PDZRN4: variants seen among roughly 807,000 people sequenced by gnomAD.
PDZRN4 encodes the protein PDZ domain-containing RING finger protein 4.
Under a neutral mutation model 99.0 loss-of-function variants are expected in PDZRN4, and 70 were observed. The observed-to-expected ratio is 0.71, with a 90% CI of 0.58 to 0.86. The LOEUF (loss-of-function observed/expected upper bound fraction) is 0.86, where lower values mean the gene tolerates loss of function less well. PDZRN4 is among the 40% of genes least tolerant of loss of function. PDZRN4 has a pLI of 0.00. For missense variants in PDZRN4, 1,474 were observed against 1,331.2 expected (o/e 1.11, Z -1.67); for synonymous variants, 551 against 501.6 (o/e 1.10, Z -1.32).
At position 41,272,281 on chromosome 12, in the gene PDZRN4, C is replaced by A. The variant is rs114617111; in HGVS notation, c.843+78093C>A. Among the ~76,000 whole-genome samples, 1,306 of 152,080 alleles carry A rather than the reference C, an allele frequency of 8.6e-3. 20 individuals carry two copies. The highest frequency in any genetic ancestry group is 0.03 in the African/African-American group (1,249 of 41,524). On this transcript the variant is annotated intron_variant, in intron 3 of 9. Transcript: ENST00000402685. Reference sequence around the variant, plus strand: ...GATATGTGGTGAATCAGCCTAAAGTCAACTGGTAAAAATATTGTTTTCTTT... The same window carrying A: ...GATATGTGGTGAATCAGCCTAAAGTAAACTGGTAAAAATATTGTTTTCTTT...
intron 3 of PDZRN4, among the ~76,000 whole-genome samples, chr12:41,288,425 C>T (rs1024689939): frequency 9.9e-5 from 15 of 152,134 alleles, no homozygotes; most frequent in Admixed American, 9.2e-4. Context: ...TAACAAGTGG[C>T]AGTATTTCTC....
chr12:41,208,214 A>G (rs1950864022), intron 3 of PDZRN4, among the ~76,000 whole-genome samples: 1 of 151,892 alleles, frequency 6.6e-6, no homozygotes, highest in Admixed American at 6.6e-5. Context: ...GACGTGACAA[A>G]ATAGAAGTCT....
chr12:41,531,139 G>C (rs938787885), intron 5 of PDZRN4, among the ~76,000 whole-genome samples: 2 of 152,156 alleles, frequency 1.3e-5, no homozygotes, highest in African/African-American at 4.8e-5. Flanking sequence ...CTGTATCCCG[G>C]GTTCTTGCCT....
intron 3 of PDZRN4, among the ~76,000 whole-genome samples, chr12:41,280,258 C>A (rs1951374807): frequency 6.6e-6 from 1 of 152,178 alleles, no homozygotes; most frequent in Non-Finnish European, 1.5e-5. Context: ...ACCACCAGGG[C>A]CCTGGGTTTC....
intron 3 of PDZRN4, chr12:41,437,794 G>C: frequency 5.2e-6 from 8 of 1,552,522 alleles, no homozygotes; most frequent in Non-Finnish European, 6.9e-6. Context: ...TCTGGCTTAC[G>C]CTTCCAGCTA....
At chr12:41,365,457 G>A (rs1951992666) in intron 3 of PDZRN4, among the ~76,000 whole-genome samples, 1 of 151,930 alleles carries the variant, frequency 6.6e-6, no homozygotes, top group South Asian at 2.1e-4. Flanking sequence ...TCAGGCCAGA[G>A]TAAACCTCAT....
intron 3 of PDZRN4, among the ~76,000 whole-genome samples, chr12:41,223,302 G>A (rs1178609736): frequency 6.6e-6 from 1 of 152,086 alleles, no homozygotes; most frequent in African/African-American, 2.4e-5. Context: ...TTAAAGAAAA[G>A]ATTAGTCTTG....
In PDZRN4 at chr12:41,457,205, T is replaced by C. The variant is rs145691894; in HGVS notation, c.844-49251T>C. 6.1e-3 allele frequency among the ~76,000 whole-genome samples: 933 copies of C among 152,300 alleles called. 12 individuals carry two copies. The highest frequency in any genetic ancestry group is 6.6e-3 in the Non-Finnish European group (451 of 68,024). ...TCTCAGCAAATGGTAGACCTTAATA[T>C]GATATAAACACTATGCTATTGGAGT... is the stretch of plus-strand genomic sequence containing the variant. On this transcript the variant is annotated intron_variant, in intron 3 of 9. Coordinates refer to ENST00000402685, the MANE Select transcript of PDZRN4 (RefSeq NM_001164595.2).
At chr12:41,403,599 G>C (rs560558275) in intron 3 of PDZRN4, among the ~76,000 whole-genome samples, 58 of 152,186 alleles carry the variant, frequency 3.8e-4, no homozygotes, top group Admixed American at 9.2e-4. Flanking sequence ...TGGTTCTTGT[G>C]GGGGTTGGGA....
chr12:41,227,966 A>G (rs1951005968), intron 3 of PDZRN4, among the ~76,000 whole-genome samples: 1 of 151,970 alleles, frequency 6.6e-6, no homozygotes, highest in African/African-American at 2.4e-5. Flanking sequence ...AAATATAATT[A>G]CTTTCAAAGA....
At chr12:41,209,339 T>TTTTA (rs1555216440) in intron 3 of PDZRN4, among the ~76,000 whole-genome samples, 32 of 150,220 alleles carry the variant, frequency 2.1e-4, no homozygotes, top group African/African-American at 7.6e-4. Flanking sequence ...TCTTTTTATT[T>TTTTA]TTTTATTTAT....
intron 3 of PDZRN4, among the ~76,000 whole-genome samples, chr12:41,210,726 C>G (rs1950882691): frequency 1.3e-5 from 2 of 151,824 alleles, no homozygotes; most frequent in Admixed American, 6.6e-5. Flanking sequence ...CTGAACTTAC[C>G]TAGAGTCCAA....
chr12:41,529,287 A>G (rs1321183318), intron 5 of PDZRN4, among the ~76,000 whole-genome samples: 3 of 152,112 alleles, frequency 2.0e-5, no homozygotes, highest in African/African-American at 7.2e-5. Context: ...TGTCTGTATT[A>G]CACTCATTTC....
At chr12:41,503,951 T>C (rs921564920) in intron 3 of PDZRN4, among the ~76,000 whole-genome samples, 1 of 152,170 alleles carries the variant, frequency 6.6e-6, no homozygotes, top group Non-Finnish European at 1.5e-5. Context: ...AGATAACATG[T>C]TGACACAGTT....
At chr12:41,201,783 A>G (rs1950817598) in intron 3 of PDZRN4, among the ~76,000 whole-genome samples, 1 of 152,118 alleles carries the variant, frequency 6.6e-6, no homozygotes, top group African/African-American at 2.4e-5. Context: ...AAGTTGTAAG[A>G]TCTCGAAAAT....
intron 3 of PDZRN4, among the ~76,000 whole-genome samples, chr12:41,284,161 T>G (rs11180626): frequency 0.081 from 12,393 of 152,262 alleles, 645 homozygotes; most frequent in African/African-American, 0.14. Context: ...TTCAGCAATG[T>G]CTCAGCATAC....
intron 3 of PDZRN4, among the ~76,000 whole-genome samples, chr12:41,362,720 A>G (rs1183389013): frequency 6.6e-6 from 1 of 152,060 alleles, no homozygotes; most frequent in African/African-American, 2.4e-5. Flanking sequence ...CAGGGAAGTG[A>G]TGGGAAGCAG....
intron 3 of PDZRN4, among the ~76,000 whole-genome samples, chr12:41,474,528 A>T (rs1429617269): frequency 6.6e-6 from 1 of 152,210 alleles, no homozygotes; most frequent in African/African-American, 2.4e-5. Flanking sequence ...TAAACGATGG[A>T]GTTGAAACTC....
At chr12:41,548,174 G>A (rs1021141690) in intron 5 of PDZRN4, among the ~76,000 whole-genome samples, 1 of 152,130 alleles carries the variant, frequency 6.6e-6, no homozygotes, top group African/African-American at 2.4e-5. Flanking sequence ...TTTTGTCAGA[G>A]GGATTTGATA....
Sources: allele counts gnomAD v4.1 joint callset (sites outside exome capture counted in the v4.1 genomes callset), GRCh38; gene constraint gnomAD v4.1.1; transcripts MANE v1.5; gene names NCBI Gene and HGNC (gene_info 2026-07-23, HGNC 2026-07-21).